Variants in CCDC102B observed in about 807,000 individuals in gnomAD.
CCDC102B encodes coiled-coil domain containing 102B.
A neutral mutation model predicts 57.4 loss-of-function variants in CCDC102B; 75 were observed. That is an observed-to-expected ratio of 1.31 (90% CI 1.08 to 1.58). CCDC102B has a LOEUF of 1.58. Ranked by LOEUF, CCDC102B falls within the 40% of genes most tolerant of loss-of-function variation. The pLI is 0.00. For synonymous variants in CCDC102B, 206 were observed against 201.9 expected (o/e 1.02, Z -0.17); for missense variants, 636 against 582.6 (o/e 1.09, Z -0.94).
At position 68,833,795 on chromosome 18, in the gene CCDC102B, T is replaced by C. The variant is rs369737154; in HGVS notation, c.-15-2954T>C. On this transcript the variant is annotated intron_variant, in intron 1 of 7. Transcript: ENST00000360242. ...TACTTTGTAGACCCTTAACATTTTATTTATTTGGTTATGTACTACATTCAA... is the reference window on the plus strand; with the variant it reads ...TACTTTGTAGACCCTTAACATTTTACTTATTTGGTTATGTACTACATTCAA... Among the ~76,000 whole-genome samples the C allele has an allele frequency of 7.7e-4, 118 of 152,330 alleles. 3 individuals are homozygous for C. In the South Asian group the frequency reaches 0.014, roughly 18 times the overall value.
At chr18:68,790,819 G>A (rs544870806) in intron 2 of CCDC102B, among the ~76,000 whole-genome samples, 7 of 152,320 alleles carry the variant, frequency 4.6e-5, no homozygotes, top group African/African-American at 1.2e-4. Flanking sequence ...GCTGTAGACC[G>A]GAGCTGTTCC....
chr18:68,993,804 C>T (rs1384344015), intron 6 of CCDC102B, among the ~76,000 whole-genome samples: 2 of 152,142 alleles, frequency 1.3e-5, no homozygotes, highest in African/African-American at 4.8e-5. Context: ...TCTCCGGGTT[C>T]TATTTCAAGT....
In CCDC102B at chr18:68,874,689, A is replaced by G; in HGVS notation, c.957A>G (p.Gln319=). 1 of 1,609,784 alleles carries G rather than the reference A, an allele frequency of 6.2e-7. No individual in the cohort carries two copies. The highest frequency in any genetic ancestry group is 1.1e-5 in the South Asian group (1 of 90,954). ...TTCAGTTTGACATTCTTCTTGGTCA[A>G]CATAATGATGAAATGCAAGAACTGT... ...NVKEFDILLG[Q]HNDEMQELSG... The change falls in exon 5 of 8, where the codon CAA becomes CAG. Residue 319 remains glutamine (Q), a synonymous_variant. Coordinates refer to ENST00000360242, the MANE Select transcript of CCDC102B (RefSeq NM_024781.3).
At chr18:68,952,008 A>C (rs2049712536) in intron 6 of CCDC102B, among the ~76,000 whole-genome samples, 2 of 152,148 alleles carry the variant, frequency 1.3e-5, no homozygotes, top group Non-Finnish European at 2.9e-5. Flanking sequence ...ATTCTAAAGA[A>C]TACTAATGAA....
chr18:68,887,349 A>T (rs1228011506), intron 5 of CCDC102B, among the ~76,000 whole-genome samples: 1 of 152,174 alleles, frequency 6.6e-6, no homozygotes, highest in Non-Finnish European at 1.5e-5. Context: ...CCTATAAATG[A>T]TTTTGAACTC....
chr18:68,942,860 C>G (rs12956815), intron 6 of CCDC102B, among the ~76,000 whole-genome samples: 24 of 136,156 alleles, frequency 1.8e-4, no homozygotes, highest in East Asian at 8.9e-4. Flanking sequence ...TCCCTTCCCA[C>G]GAGGCCATGT....
chr18:69,031,976 AT>A (rs67627256), intron 7 of CCDC102B, among the ~76,000 whole-genome samples: 4,185 of 150,032 alleles, frequency 0.028, 204 homozygotes, highest in African/African-American at 0.094. Flanking sequence ...TTTTTTTTAC[AT>A]TTTTTTTTCT....
chr18:68,960,569 A>G (rs1003910327), intron 6 of CCDC102B, among the ~76,000 whole-genome samples: 3 of 152,158 alleles, frequency 2.0e-5, no homozygotes, highest in Non-Finnish European at 4.4e-5. Flanking sequence ...AGCCCAGCAC[A>G]GCACCAGAAC....
At chr18:68,969,161 G>C (rs1312162366) in intron 6 of CCDC102B, among the ~76,000 whole-genome samples, 4 of 152,120 alleles carry the variant, frequency 2.6e-5, no homozygotes, top group Non-Finnish European at 5.9e-5. Flanking sequence ...ACCAGGCCAT[G>C]CTAACGTAAT....
intron 7 of CCDC102B, among the ~76,000 whole-genome samples, chr18:69,050,071 AG>A (rs34547280): frequency 0.79 from 120,117 of 152,064 alleles, 51,057 homozygotes; most frequent in Non-Finnish European, 0.95. Flanking sequence ...GGCCTCTGAA[AG>A]TGTTGGTATT....
At chr18:69,036,511 A>G (rs900510276) in intron 7 of CCDC102B, among the ~76,000 whole-genome samples, 1 of 152,146 alleles carries the variant, frequency 6.6e-6, no homozygotes, top group African/African-American at 2.4e-5. Context: ...TTAGGAAATT[A>G]TTTATATAGA....
chr18:68,763,436 G>C (rs1219117232), intron 2 of CCDC102B, among the ~76,000 whole-genome samples: 1 of 152,070 alleles, frequency 6.6e-6, no homozygotes, highest in Non-Finnish European at 1.5e-5. Flanking sequence ...AAGCACAACA[G>C]CTATATTTAG....
intron 2 of CCDC102B, among the ~76,000 whole-genome samples, chr18:68,743,841 AT>A (rs1453668661): frequency 2.0e-5 from 3 of 152,118 alleles, no homozygotes; most frequent in Admixed American, 6.5e-5. Context: ...GAAACTTCAA[AT>A]TTGTCCAGTT....
rs141375359 is a variant in CCDC102B, at chr18:68,742,140, G to A, written c.-67+25546G>A. ...GAAATCTGATATCAAGATGTCTCCC[G>A]GGATGATTCCTCCTGGAGGCTCTGA... On this transcript the variant is annotated intron_variant, in intron 2 of 3. Coordinates refer to the CCDC102B transcript ENST00000578970. Among the ~76,000 whole-genome samples the A allele has an allele frequency of 2.5e-3, 375 of 152,210 alleles. 4 individuals carry two copies. The highest frequency in any genetic ancestry group is 1.5e-3 in the Non-Finnish European group (103 of 68,008).
chr18:68,814,796 C>T (rs2036412087), intron 1 of CCDC102B, among the ~76,000 whole-genome samples: 2 of 151,912 alleles, frequency 1.3e-5, no homozygotes, highest in South Asian at 4.1e-4. Context: ...CAAAATATTT[C>T]ATTTGCAATG....
chr18:68,956,549 A>ATCG (rs1568352719), intron 6 of CCDC102B, among the ~76,000 whole-genome samples: 2 of 1,672 alleles, frequency 1.2e-3, no homozygotes, highest in East Asian at 0.12. Context: ...TTATATATAT[A>ATCG]AATATTATAT....
At chr18:68,846,262 T>C in intron 3 of CCDC102B, 51 bp from the exon 4 acceptor site, 2 of 1,178,640 alleles carry the variant, frequency 1.7e-6, no homozygotes, top group Non-Finnish European at 2.3e-6. Flanking sequence ...TCCTTGAAAG[T>C]ATTTTAAAAT....
intron 3 of CCDC102B, among the ~76,000 whole-genome samples, chr18:68,841,407 G>C (rs1181481242): frequency 6.6e-6 from 1 of 152,100 alleles, no homozygotes; most frequent in Non-Finnish European, 1.5e-5. Context: ...TAATTATCCA[G>C]TGTATAAAAG....
At chr18:68,897,606 A>T in intron 6 of CCDC102B, 178 bp downstream of exon 6, 1 of 1,558,552 alleles carries the variant, frequency 6.4e-7, no homozygotes, top group Non-Finnish European at 8.7e-7. Context: ...TGCATCTGAA[A>T]CAAAGTGTGT....
Sources: allele counts gnomAD v4.1 joint callset (sites outside exome capture counted in the v4.1 genomes callset), GRCh38; gene constraint gnomAD v4.1.1; transcripts MANE v1.5; gene names NCBI Gene and HGNC (gene_info 2026-07-23, HGNC 2026-07-21).